Variants in FAM13B observed in about 807,000 individuals in gnomAD.
The protein encoded by FAM13B is family with sequence similarity 13 member B.
Under a neutral mutation model 117.3 loss-of-function variants are expected in FAM13B, and 60 were observed. The observed-to-expected ratio is 0.51, with a 90% confidence interval of 0.42 to 0.63. The LOEUF (loss-of-function observed/expected upper bound fraction) is 0.63, where lower values mean the gene tolerates loss of function less well. FAM13B is among the 30% of genes least tolerant of loss of function. FAM13B has a pLI of 0.00. For synonymous variants in FAM13B, 332 were observed against 356.1 expected, an observed-to-expected ratio of 0.93 and a Z score of 0.76; for missense variants, 972 against 1,091.9, an observed-to-expected ratio of 0.89 and a Z score of 1.55.
At position 138,045,216 on chromosome 5, in the gene FAM13B, T is replaced by C. The variant is rs1470373522; in HGVS notation, c.-203+6662A>G. 2.0e-5 allele frequency among the ~76,000 whole-genome samples: 3 copies of C among 151,960 alleles called. No individual in the cohort carries two copies. The East Asian group carries it at 5.8e-4, about 29-fold the overall frequency. On this transcript the variant is annotated intron_variant, in intron 1 of 3. Coordinates refer to the FAM13B transcript ENST00000502471. ...ACTCCAGCCACAGAAGGATAGACCA[T>C]ACAAGGAAATACATACAAGAATGAG...
intron 7 of FAM13B, among the ~76,000 whole-genome samples, chr5:137,996,908 C>T (rs1324225621): frequency 6.6e-6 from 1 of 152,150 alleles, no homozygotes; most frequent in Non-Finnish European, 1.5e-5. Flanking sequence ...TTTCATCTTT[C>T]TAAATTGAGT....
At chr5:138,020,701 A>G (rs1313951301) in intron 2 of FAM13B, 3 of 155,336 alleles carry the variant, frequency 1.9e-5, no homozygotes, top group Non-Finnish European at 4.3e-5. Context: ...ACTGCAAGAG[A>G]AAAAAAGCAA....
chr5:138,015,228 T>C (rs1784973084), intron 4 of FAM13B, among the ~76,000 whole-genome samples: 1 of 152,184 alleles, frequency 6.6e-6, no homozygotes, highest in South Asian at 2.1e-4. Context: ...GTACCAAGGC[T>C]GTGAAACCCT....
chr5:138,049,220 G>C (rs868472180), intron 1 of FAM13B, among the ~76,000 whole-genome samples: 31 of 152,142 alleles, frequency 2.0e-4, no homozygotes, highest in Middle Eastern at 3.2e-3. Context: ...GGGATTACAG[G>C]CGTGAGCCAC....
At chr5:138,004,551 G>A (rs867891814) in intron 7 of FAM13B, among the ~76,000 whole-genome samples, 1 of 152,164 alleles carries the variant, frequency 6.6e-6, no homozygotes, top group Non-Finnish European at 1.5e-5. Context: ...CTGAGCACTT[G>A]AAATGTAGGT....
chr5:138,005,521 T>C (rs1343065950), intron 7 of FAM13B, among the ~76,000 whole-genome samples: 2 of 150,692 alleles, frequency 1.3e-5, no homozygotes, highest in Admixed American at 1.3e-4. Context: ...ACTCAAAATA[T>C]CAAGAAAAAA....
At chr5:137,976,271 T>C (rs1022612252) in intron 10 of FAM13B, among the ~76,000 whole-genome samples, 2 of 152,108 alleles carry the variant, frequency 1.3e-5, no homozygotes, top group African/African-American at 4.8e-5. Context: ...TTCCTTTTAA[T>C]TTCAATGCAA....
intron 10 of FAM13B, among the ~76,000 whole-genome samples, chr5:137,963,948 T>C (rs950609560): frequency 6.6e-6 from 1 of 152,172 alleles, no homozygotes; most frequent in East Asian, 1.9e-4. Context: ...ACAAAACCAG[T>C]CCCTGGTTCC....
chr5:138,030,225 G>T (rs1249880728), intron 1 of FAM13B, among the ~76,000 whole-genome samples: 2 of 151,942 alleles, frequency 1.3e-5, no homozygotes, highest in African/African-American at 4.8e-5. Context: ...GCGTTCCTTG[G>T]CTCCAAAATA....
chr5:137,958,707 A>G (rs1043217000), intron 13 of FAM13B, among the ~76,000 whole-genome samples: 7 of 152,198 alleles, frequency 4.6e-5, no homozygotes, highest in African/African-American at 1.4e-4. Flanking sequence ...ATCCAAATTT[A>G]TTGCTTGATT....
At chr5:137,954,038 TCTC>T (rs1378194229) in intron 15 of FAM13B, 125 bp downstream of exon 15, 12 of 632,618 alleles carry the variant, frequency 1.9e-5, no homozygotes, top group South Asian at 6.2e-5. Flanking sequence ...ACTCAATCTC[TCTC>T]TTTTTTTTTT....
intron 7 of FAM13B, among the ~76,000 whole-genome samples, chr5:137,994,953 A>G (rs1779507090): frequency 6.6e-6 from 1 of 152,222 alleles, no homozygotes. Flanking sequence ...AATGCTACAA[A>G]CGATATTTCA....
At chr5:137,953,307 G>A (rs1160902723) in intron 16 of FAM13B, 29 bp downstream of exon 16, 4 of 1,610,546 alleles carry the variant, frequency 2.5e-6, no homozygotes, top group Non-Finnish European at 2.5e-6. Flanking sequence ...ATTAGATTAA[G>A]CTCACTCTGG....
chr5:137,946,177 T>C (rs200475728), intron 19 of FAM13B, 51 bp downstream of exon 19: 4 of 1,481,204 alleles, frequency 2.7e-6, no homozygotes, highest in African/African-American at 2.8e-5. Flanking sequence ...AATTGATTCA[T>C]GTTCTTTTTT....
intron 10 of FAM13B, among the ~76,000 whole-genome samples, chr5:137,974,518 G>A (rs2150433905): frequency 6.8e-6 from 1 of 147,338 alleles, no homozygotes; most frequent in South Asian, 2.2e-4. Context: ...TAGATGACGA[G>A]TTAGTGGGTG....
chr5:137,946,380 A>C (rs1185953640), intron 18 of FAM13B, 69 bp from the exon 19 acceptor site: 2 of 1,001,806 alleles, frequency 2.0e-6, no homozygotes, highest in Non-Finnish European at 3.0e-6. Context: ...CTCCACTGGC[A>C]CCATTAATAT....
At chr5:137,946,807 C>G (rs1254639223) in intron 18 of FAM13B, among the ~76,000 whole-genome samples, 1 of 152,184 alleles carries the variant, frequency 6.6e-6, no homozygotes, top group Non-Finnish European at 1.5e-5. Context: ...CATGTGCATA[C>G]ACACATAGGT....
chr5:137,955,591 A>C (rs1363000860), intron 14 of FAM13B, among the ~76,000 whole-genome samples: 2 of 149,146 alleles, frequency 1.3e-5, no homozygotes, highest in Non-Finnish European at 3.0e-5. Flanking sequence ...TAAGCACAGG[A>C]GGGAAAGAAA....
At chr5:137,988,229 A>G in intron 8 of FAM13B, 45 bp downstream of exon 8, 1 of 1,391,704 alleles carries the variant, frequency 7.2e-7, no homozygotes, top group Non-Finnish European at 9.8e-7. Context: ...GCTTAGTAGT[A>G]TTTTAAAATC....
Sources: allele counts gnomAD v4.1 joint callset (sites outside exome capture counted in the v4.1 genomes callset), GRCh38; gene constraint gnomAD v4.1.1; transcripts MANE v1.5; gene names NCBI Gene and HGNC (gene_info 2026-07-23, HGNC 2026-07-21).